The following PPP2R2B variants were observed in gnomAD, a reference collection of about 807,000 sequenced individuals.
PPP2R2B encodes protein phosphatase 2 regulatory subunit Bbeta, also known as serine/threonine-protein phosphatase 2A 55 kDa regulatory subunit B beta isoform.
In PPP2R2B, 5 loss-of-function variants were observed where a neutral mutation model predicts 46.0. That is an observed-to-expected ratio of 0.11 (90% CI 0.06 to 0.23). PPP2R2B has a LOEUF of 0.23. Ranked by LOEUF, PPP2R2B falls within the 10% of genes least tolerant of loss-of-function variation. The pLI, the probability that PPP2R2B is intolerant of heterozygous loss-of-function variation, is 1.00. For synonymous variants in PPP2R2B, 215 were observed against 206.7 expected (o/e 1.04, Z -0.34); for missense variants, 367 against 575.0 (o/e 0.64, Z 3.70).
chr5:146,617,626 G>A (rs1014964000), intron 7 of PPP2R2B, among the ~76,000 whole-genome samples: 6 of 151,832 alleles, frequency 4.0e-5, no homozygotes, highest in Admixed American at 6.6e-5. Context: ...CCATGCCTAC[G>A]CTCCTTCAAC....
intron 5 of PPP2R2B, among the ~76,000 whole-genome samples, chr5:146,666,943 G>T (rs910800492): frequency 6.6e-6 from 1 of 152,268 alleles, no homozygotes; most frequent in East Asian, 1.9e-4. Context: ...TTTTGAACTT[G>T]AATGTGATTT....
intron 1 of PPP2R2B, among the ~76,000 whole-genome samples, chr5:146,956,205 C>T (rs1751899258): frequency 6.7e-6 from 1 of 149,950 alleles, no homozygotes. Context: ...CAAAAAACCC[C>T]ACAATTTTCT....
intron 5 of PPP2R2B, among the ~76,000 whole-genome samples, chr5:146,687,967 A>G (rs988331009): frequency 6.6e-6 from 1 of 152,208 alleles, no homozygotes; most frequent in African/African-American, 2.4e-5. Flanking sequence ...ACATTTCAAG[A>G]GGAGAGCGTG....
chr5:146,934,583 GAAAAAAAAAAAAAAA>G (rs3062352), intron 1 of PPP2R2B, among the ~76,000 whole-genome samples: 8 of 31,490 alleles, frequency 2.5e-4, no homozygotes, highest in East Asian at 1.8e-3. Flanking sequence ...TTTTTCATAA[GAAAAAAAAAAAAAAA>G]AAAAAAAAAA....
At chr5:147,004,067 A>G (rs1754315089) in intron 1 of PPP2R2B, among the ~76,000 whole-genome samples, 1 of 152,094 alleles carries the variant, frequency 6.6e-6, no homozygotes, top group Non-Finnish European at 1.5e-5. Flanking sequence ...GAAAAGCGAG[A>G]TCGGAGAAAG....
chr5:146,783,794 A>G (rs1422724739), intron 2 of PPP2R2B, among the ~76,000 whole-genome samples: 1 of 152,226 alleles, frequency 6.6e-6, no homozygotes, highest in Admixed American at 6.5e-5. Context: ...TGAATCACTA[A>G]ATATCAATTC....
chr5:146,950,319 G>A (rs1192221930), intron 1 of PPP2R2B, among the ~76,000 whole-genome samples: 2 of 151,960 alleles, frequency 1.3e-5, no homozygotes, highest in Non-Finnish European at 2.9e-5. Flanking sequence ...TTATGTTAAA[G>A]AAGTACTGTT....
At chr5:146,675,084 T>G (rs1043354090) in intron 5 of PPP2R2B, among the ~76,000 whole-genome samples, 1 of 152,070 alleles carries the variant, frequency 6.6e-6, no homozygotes, top group South Asian at 2.1e-4. Context: ...CACCTCAGCC[T>G]CCAAGTAGCT....
chr5:146,727,574 T>A (rs1018571295), intron 2 of PPP2R2B, among the ~76,000 whole-genome samples: 1 of 152,138 alleles, frequency 6.6e-6, no homozygotes, highest in Non-Finnish European at 1.5e-5. Context: ...TCAGGTAGAA[T>A]GTACTCTATT....
chr5:146,890,487 T>C (rs1026100149), intron 1 of PPP2R2B, among the ~76,000 whole-genome samples: 1 of 152,206 alleles, frequency 6.6e-6, no homozygotes. Context: ...GTGGTAAACT[T>C]AGTTCATCAT....
At chr5:147,071,908 T>C (rs537342429) in intron 2 of PPP2R2B, among the ~76,000 whole-genome samples, 15 of 152,340 alleles carry the variant, frequency 9.8e-5, no homozygotes, top group African/African-American at 3.4e-4. Flanking sequence ...TTCCAGATAT[T>C]TTGATAGCAG....
chr5:146,986,856 A>G (rs966636813), intron 1 of PPP2R2B, among the ~76,000 whole-genome samples: 11 of 152,212 alleles, frequency 7.2e-5, no homozygotes, highest in African/African-American at 2.2e-4. Context: ...ATTTAAAGAA[A>G]TAATAACAAA....
intron 7 of PPP2R2B, among the ~76,000 whole-genome samples, chr5:146,609,220 A>C (rs894950682): frequency 1.3e-5 from 2 of 152,212 alleles, no homozygotes; most frequent in African/African-American, 4.8e-5. Context: ...TAAAAGTCAT[A>C]TATGACAGAG....
intron 7 of PPP2R2B, among the ~76,000 whole-genome samples, chr5:146,634,454 C>G (rs1774660232): frequency 6.6e-6 from 1 of 152,176 alleles, no homozygotes; most frequent in East Asian, 1.9e-4. Context: ...CCTGCCTCAG[C>G]CTCCTGAGTA....
At chr5:146,764,471 G>A (rs1390052450) in intron 2 of PPP2R2B, among the ~76,000 whole-genome samples, 1 of 152,142 alleles carries the variant, frequency 6.6e-6, no homozygotes, top group Non-Finnish European at 1.5e-5. Flanking sequence ...GCTCAAGTCA[G>A]TAATTATACA....
intron 1 of PPP2R2B, among the ~76,000 whole-genome samples, chr5:147,019,610 G>T (rs1178215188): frequency 6.6e-6 from 1 of 151,914 alleles, no homozygotes; most frequent in Non-Finnish European, 1.5e-5. Flanking sequence ...TTTTTAAAAA[G>T]TCTATCTATT....
At chr5:146,800,394 C>T (rs1258113510) in intron 2 of PPP2R2B, among the ~76,000 whole-genome samples, 1 of 152,058 alleles carries the variant, frequency 6.6e-6, no homozygotes, top group Non-Finnish European at 1.5e-5. Context: ...AGGCTGCTGG[C>T]TATTTCTTTT....
chr5:146,595,630 G>C (rs1234507955), intron 8 of PPP2R2B, among the ~76,000 whole-genome samples: 1 of 152,140 alleles, frequency 6.6e-6, no homozygotes, highest in Non-Finnish European at 1.5e-5. Flanking sequence ...AGCATTTAAA[G>C]AAAAAGAATG....
At chr5:146,889,233 G>A (rs1360054255) in intron 1 of PPP2R2B, among the ~76,000 whole-genome samples, 1 of 152,166 alleles carries the variant, frequency 6.6e-6, no homozygotes, top group African/African-American at 2.4e-5. Context: ...AGAGGCCTGG[G>A]TTTTGCCCTA....
Sources: allele counts gnomAD v4.1 joint callset (sites outside exome capture counted in the v4.1 genomes callset), GRCh38; gene constraint gnomAD v4.1.1; transcripts MANE v1.5; gene names NCBI Gene and HGNC (gene_info 2026-07-23, HGNC 2026-07-21).